Variants in NEK6 observed in about 807,000 individuals in gnomAD.
NEK6 encodes the protein NIMA related kinase 6.
NEK6 carries 27 observed loss-of-function variants against 43.5 expected under a neutral mutation model. The ratio of observed to expected loss-of-function variants is 0.62; its 90% confidence interval spans 0.46 to 0.86. The LOEUF (loss-of-function observed/expected upper bound fraction) is 0.86. Among genes scored for constraint, NEK6 ranks in the 40% least tolerant of loss-of-function variants. The pLI is 0.00. For synonymous variants in NEK6, 167 were observed against 164.1 expected, an observed-to-expected ratio of 1.02 and a Z score of -0.14; for missense variants, 318 against 414.4, an observed-to-expected ratio of 0.77 and a Z score of 2.02.
chr9:124,320,005 T>C (rs1239178086), intron 4 of NEK6, among the ~76,000 whole-genome samples: 1 of 152,258 alleles, frequency 6.6e-6, no homozygotes, highest in Non-Finnish European at 1.5e-5. Flanking sequence ...GCTGCTAAGA[T>C]GGCAACAGGG....
At chr9:124,327,739 C>A (rs1828730093) in intron 7 of NEK6, among the ~76,000 whole-genome samples, 1 of 152,234 alleles carries the variant, frequency 6.6e-6, no homozygotes. Flanking sequence ...GGGCGGTCAT[C>A]TTCCCACTGC....
chr9:124,263,833 A>G (rs1467844128), intron 1 of NEK6, among the ~76,000 whole-genome samples: 1 of 152,204 alleles, frequency 6.6e-6, no homozygotes, highest in Admixed American at 6.5e-5. Flanking sequence ...CCTCAGGAAA[A>G]TGTTTGCCTG....
chr9:124,331,275 A>AAAAAAAAAAAAC (rs540083053), intron 7 of NEK6, among the ~76,000 whole-genome samples: 2 of 145,628 alleles, frequency 1.4e-5, no homozygotes, highest in Admixed American at 7.2e-5. Context: ...AAAAAAAAAC[A>AAAAAAAAAAAAC]AAACATTTTG....
intron 1 of NEK6, chr9:124,265,952 G>A (rs1347487060): frequency 3.9e-5 from 6 of 152,278 alleles, no homozygotes; most frequent in African/African-American, 1.4e-4. Context: ...GACAGAGGCT[G>A]TCACAACCCC....
chr9:124,306,448 G>C (rs1046583727), intron 2 of NEK6, among the ~76,000 whole-genome samples: 1 of 152,138 alleles, frequency 6.6e-6, no homozygotes, highest in Non-Finnish European at 1.5e-5. Context: ...GGCCCACGGA[G>C]TGCGGTGCAG....
At chr9:124,292,185 G>A in intron 1 of NEK6, 2 of 1,257,484 alleles carry the variant, frequency 1.6e-6, no homozygotes, top group Non-Finnish European at 2.0e-6. Flanking sequence ...GACCTCCAGG[G>A]CTGGAGCTCC....
chr9:124,269,450 C>T (rs1171595291), intron 1 of NEK6, among the ~76,000 whole-genome samples: 4 of 151,828 alleles, frequency 2.6e-5, no homozygotes, highest in Admixed American at 6.6e-5. Context: ...CTTGGCTTAC[C>T]GCAACCTCTG....
intron 7 of NEK6, among the ~76,000 whole-genome samples, chr9:124,329,572 G>A (rs1448767723): frequency 6.6e-6 from 1 of 152,240 alleles, no homozygotes; most frequent in African/African-American, 2.4e-5. Context: ...TGGGTGGAAG[G>A]AGCCCTCCTG....
rs1390851204 is a variant in NEK6 at position 124,326,750 on chromosome 9, G to A, written c.514+312G>A. On this transcript the variant is annotated intron_variant, in intron 6 of 9. Coordinates refer to ENST00000320246, the MANE Select transcript of NEK6 (RefSeq NM_014397.6). This position sits in a 1 kb window ranked among gnomAD's most constrained non-coding sequence, Gnocchi z 4.5. ...AGGGGACTTTCATGGGGGCTTTGCCGTCTCAGCGGGCTGGGCTGAGAAGGG... is the reference window on the plus strand; with the variant it reads ...AGGGGACTTTCATGGGGGCTTTGCCATCTCAGCGGGCTGGGCTGAGAAGGG... 2.0e-5 allele frequency among the ~76,000 whole-genome samples: 3 copies of A among 152,188 alleles called. No individual in the cohort carries two copies. The highest frequency in any genetic ancestry group is 6.5e-5 in the Admixed American group (1 of 15,290).
Position 124,347,568 on chromosome 9 carries a change from C to G in NEK6, c.718-141C>G, listed in dbSNP as rs1047158897. 5 of 538,134 alleles carry G rather than the reference C, an allele frequency of 9.3e-6. No homozygotes were observed. The South Asian group carries it at 1.6e-4, about 17-fold the overall frequency. The allele number at this position is 538,134 out of a possible 1,614,324, so 33.3% of individuals were successfully genotyped here. A position where few individuals can be genotyped will look rare whatever the true frequency, so the allele number is the denominator to read the frequency against. On this transcript the variant is annotated intron_variant, in intron 8 of 9. Transcript: ENST00000320246. ...TTGAACCCCAGCATGCTCGGTGATT[C>G]GGGGGAGAAGTCCTGCTGGACTCGC... is the stretch of plus-strand genomic sequence containing the variant.
rs370674992 is a variant in NEK6 at position 124,339,679 on chromosome 9, C to T, written c.717+14C>T. On this transcript the variant is annotated intron_variant, in intron 8 of 9. Coordinates refer to ENST00000320246, the MANE Select transcript of NEK6 (RefSeq NM_014397.6). Reference sequence around the variant, plus strand: ...CTGCTGTACGAGGTGAGTCTCTGTCCGTGGCTCAGCAGCATTTGGTGGGAC... The same window carrying T: ...CTGCTGTACGAGGTGAGTCTCTGTCTGTGGCTCAGCAGCATTTGGTGGGAC... 8.8e-6 allele frequency: 14 copies of T among 1,585,006 alleles called. No individual in the cohort carries two copies. The highest frequency in any genetic ancestry group is 8.1e-5 in the African/African-American group (6 of 74,512).
At chr9:124,261,154 G>A (rs1036324845) in intron 1 of NEK6, 2 of 152,606 alleles carry the variant, frequency 1.3e-5, no homozygotes, top group Non-Finnish European at 2.9e-5. Flanking sequence ...GCAAAGCCAA[G>A]TAGGTTAAGA....
intron 4 of NEK6, among the ~76,000 whole-genome samples, chr9:124,316,483 C>T (rs955851096): frequency 6.6e-6 from 1 of 152,206 alleles, no homozygotes. Flanking sequence ...CCCTCCCTTC[C>T]CTCTGGCCAC....
At chr9:124,274,130 G>C (rs1054692787) in intron 1 of NEK6, among the ~76,000 whole-genome samples, 1 of 152,238 alleles carries the variant, frequency 6.6e-6, no homozygotes, top group Non-Finnish European at 1.5e-5. Context: ...AGAAAGAGAG[G>C]GAGAGAAAAC....
At chr9:124,284,058 C>A (rs1832042453) in intron 1 of NEK6, among the ~76,000 whole-genome samples, 1 of 152,198 alleles carries the variant, frequency 6.6e-6, no homozygotes, top group South Asian at 2.1e-4. Flanking sequence ...CTTTAAAATA[C>A]CAGATGTGGG....
intron 1 of NEK6, chr9:124,292,628 T>A: frequency 6.8e-7 from 1 of 1,476,788 alleles, no homozygotes; most frequent in South Asian, 1.2e-5. Flanking sequence ...GGGTAGTAGC[T>A]GCGGTTCTGC....
chr9:124,299,389 A>G (rs1832845837), intron 1 of NEK6, among the ~76,000 whole-genome samples: 1 of 152,208 alleles, frequency 6.6e-6, no homozygotes, highest in South Asian at 2.1e-4. Flanking sequence ...TTTTATCTTC[A>G]AATTCATGCG....
intron 8 of NEK6, among the ~76,000 whole-genome samples, chr9:124,340,354 T>C (rs1171177087): frequency 2.0e-5 from 3 of 152,200 alleles, no homozygotes; most frequent in Non-Finnish European, 4.4e-5. Context: ...CTCTTGGCCA[T>C]GAAGCTCTTG....
chr9:124,287,072 G>A (rs1298670104), intron 1 of NEK6, among the ~76,000 whole-genome samples: 1 of 152,168 alleles, frequency 6.6e-6, no homozygotes, highest in Non-Finnish European at 1.5e-5. Flanking sequence ...AGGGACAGCT[G>A]GCCACACCGG....
Sources: gnomAD v4.1 joint callset for allele counts (sites outside exome capture counted in the v4.1 genomes callset) on GRCh38, gnomAD v4.1.1 for gene constraint, Gnocchi (gnomAD v3.1) non-coding constraint, MANE v1.5 for transcripts, NCBI Gene and HGNC (gene_info 2026-07-23, HGNC 2026-07-21) for gene names.